Variants in UNC5D observed in about 807,000 individuals in gnomAD.
The protein encoded by UNC5D is netrin receptor UNC5D.
A neutral mutation model predicts 105.4 loss-of-function variants in UNC5D; 39 were observed. The observed-to-expected ratio is 0.37, with a 90% CI of 0.29 to 0.48. The LOEUF is 0.48. Among genes scored for constraint, UNC5D ranks in the 20% least tolerant of loss-of-function variants. UNC5D has a pLI of 0.98. For synonymous variants in UNC5D, 452 were observed against 450.4 expected, an observed-to-expected ratio of 1.00 and a Z score of -0.04; for missense variants, 991 against 1,202.4, an observed-to-expected ratio of 0.82 and a Z score of 2.60.
At chr8:35,677,428 C>T (rs533850741) in intron 4 of UNC5D, among the ~76,000 whole-genome samples, 11 of 152,218 alleles carry the variant, frequency 7.2e-5, no homozygotes, top group African/African-American at 9.6e-5. Context: ...ACCTCCCTGG[C>T]CCCCAGGAAC....
Position 35,545,685 on chromosome 8 carries a change from C to A in UNC5D, c.104-3607C>A, listed in dbSNP as rs568845733. 1.1e-4 allele frequency among the ~76,000 whole-genome samples: 17 copies of A among 152,178 alleles called. No individual in the cohort carries two copies. In the South Asian group the frequency reaches 3.1e-3, roughly 28 times the overall value. On this transcript the variant is annotated intron_variant, in intron 1 of 16. Coordinates refer to ENST00000404895, the MANE Select transcript of UNC5D (RefSeq NM_080872.4). ...AAAAGATTCTTATTTTCACCTACCT[C>A]ATTTTTTAGACGGATGCAAATAAAC...
intron 1 of UNC5D, among the ~76,000 whole-genome samples, chr8:35,377,568 G>A (rs899553912): frequency 1.3e-5 from 2 of 152,184 alleles, no homozygotes; most frequent in Non-Finnish European, 2.9e-5. Context: ...GGCTGGGAAT[G>A]TATCTGTAAA....
chr8:35,588,841 G>A (rs1374692027), intron 3 of UNC5D, among the ~76,000 whole-genome samples: 1 of 152,154 alleles, frequency 6.6e-6, no homozygotes, highest in African/African-American at 2.4e-5. Context: ...AGGAGTTCAA[G>A]ACCAGCATGG....
intron 1 of UNC5D, among the ~76,000 whole-genome samples, chr8:35,505,175 C>A (rs533108406): frequency 2.0e-5 from 3 of 152,100 alleles, no homozygotes; most frequent in East Asian, 3.9e-4. Flanking sequence ...CCACAAAAAT[C>A]AAAAATTAAA....
chr8:35,595,564 A>G lies in UNC5D; in HGVS notation c.477A>G (p.Lys159=). 2 of 1,614,052 alleles carry G rather than the reference A, an allele frequency of 1.2e-6. No homozygotes were observed. Among genetic ancestry groups the G allele is most frequent in the African/African-American group, 1.3e-5 (1 of 75,018 alleles). Residue 159 remains lysine, a synonymous_variant, in exon 4 of 17, where the codon AAA becomes AAG. Coordinates refer to ENST00000404895, the MANE Select transcript of UNC5D (RefSeq NM_080872.4). ...KASVRIAYLR[K]NFEQDPQGRE... ...CATGCTTCTTTGCAGATTTACGGAAAAACTTTGAACAAGACCCACAAGGAA... is the reference window on the plus strand; with the variant it reads ...CATGCTTCTTTGCAGATTTACGGAAGAACTTTGAACAAGACCCACAAGGAA...
chr8:35,587,965 A>AATATATATATATATATAT lies in UNC5D; in HGVS notation c.467-7577_467-7560dup, dbSNP rs57681405. Among the ~76,000 whole-genome samples, 514 of 104,970 alleles carry AATATATATATATATATAT rather than the reference A, an allele frequency of 4.9e-3. 12 individuals are homozygous for AATATATATATATATATAT. Among genetic ancestry groups the AATATATATATATATATAT allele is most frequent in the African/African-American group, 0.013 (377 of 30,126 alleles). 68.9% of individuals were successfully genotyped at this position (104,970 alleles called of 152,430 possible). A position where few individuals can be genotyped will look rare whatever the true frequency, so the allele number is the denominator to read the frequency against. ...TTAGGGTTTTTCCTATAACTATAAT[A>AATATATATATATATATAT]ATATATATATATATATATATATATA... On this transcript the variant is annotated intron_variant, in intron 3 of 16. Coordinates refer to ENST00000404895, the MANE Select transcript of UNC5D (RefSeq NM_080872.4).
intron 1 of UNC5D, among the ~76,000 whole-genome samples, chr8:35,402,202 C>A (rs1388467547): frequency 6.6e-6 from 1 of 152,056 alleles, no homozygotes; most frequent in Non-Finnish European, 1.5e-5. Context: ...TGTATTAATC[C>A]ATTTTTATAC....
intron 1 of UNC5D, among the ~76,000 whole-genome samples, chr8:35,387,706 G>GT (rs1803497066): frequency 6.6e-6 from 1 of 152,172 alleles, no homozygotes; most frequent in Non-Finnish European, 1.5e-5. Context: ...AAGTTCATGT[G>GT]TAGGATTAGG....
intron 4 of UNC5D, among the ~76,000 whole-genome samples, chr8:35,673,645 T>C: frequency 6.6e-6 from 1 of 152,180 alleles, no homozygotes; most frequent in Admixed American, 6.5e-5. Flanking sequence ...AATGACAATA[T>C]GTTCACTTGT....
At chr8:35,594,973 T>C (rs1356053122) in intron 3 of UNC5D, among the ~76,000 whole-genome samples, 1 of 152,140 alleles carries the variant, frequency 6.6e-6, no homozygotes, top group Admixed American at 6.5e-5. Flanking sequence ...CTGGAGGGCG[T>C]TGTGTTTTGT....
Position 35,481,379 on chromosome 8 carries a change from C to T in UNC5D, c.104-67913C>T, listed in dbSNP as rs373245639. On this transcript the variant is annotated intron_variant, in intron 1 of 16. Coordinates refer to ENST00000404895, the MANE Select transcript of UNC5D (RefSeq NM_080872.4). ...ATGCCACTGCACTCCAGCCTGGTGGCGGAGTAAGATCCTGTCTCAGAAAAG... is the reference window on the plus strand; with the variant it reads ...ATGCCACTGCACTCCAGCCTGGTGGTGGAGTAAGATCCTGTCTCAGAAAAG... Among the ~76,000 whole-genome samples the T allele has an allele frequency of 3.2e-4, 49 of 152,020 alleles. No homozygotes were observed. The East Asian group carries it at 5.4e-3, about 17-fold the overall frequency.
rs80350875 is a variant in UNC5D at position 35,644,217 on chromosome 8, C to T, written c.571-39330C>T. Reference sequence around the variant, plus strand: ...GAGTTAGGGTTTTTGATCTCCTGATCCTTTTTCAGTAAGTGGGAAGGGAGG... The same window carrying T: ...GAGTTAGGGTTTTTGATCTCCTGATTCTTTTTCAGTAAGTGGGAAGGGAGG... On this transcript the variant is annotated intron_variant, in intron 4 of 16. Coordinates refer to ENST00000404895, the MANE Select transcript of UNC5D (RefSeq NM_080872.4). Among the ~76,000 whole-genome samples, 908 of 152,216 alleles carry T rather than the reference C, an allele frequency of 6.0e-3. 12 individuals carry two copies. Among genetic ancestry groups the T allele is most frequent in the African/African-American group, 0.02 (827 of 41,554 alleles).
At chr8:35,616,463 T>C (rs1821032306) in intron 4 of UNC5D, among the ~76,000 whole-genome samples, 1 of 152,220 alleles carries the variant, frequency 6.6e-6, no homozygotes, top group Admixed American at 6.5e-5. Flanking sequence ...TGGGCATGTC[T>C]GTGATTCCCG....
intron 1 of UNC5D, among the ~76,000 whole-genome samples, chr8:35,502,548 C>T (rs1027699516): frequency 1.3e-5 from 2 of 151,976 alleles, no homozygotes; most frequent in Non-Finnish European, 2.9e-5. Context: ...GGATTCTCTT[C>T]GTTTTTTTGT....
intron 4 of UNC5D, among the ~76,000 whole-genome samples, chr8:35,673,969 C>G (rs1825021078): frequency 6.6e-6 from 1 of 152,142 alleles, no homozygotes; most frequent in Non-Finnish European, 1.5e-5. Flanking sequence ...AGGGGGCTAG[C>G]TTGACTTGGC....
chr8:35,420,813 C>T (rs918647176), intron 1 of UNC5D, among the ~76,000 whole-genome samples: 1 of 151,666 alleles, frequency 6.6e-6, no homozygotes, highest in African/African-American at 2.4e-5. Context: ...TTCTCTCATG[C>T]CTTAGTACAG....
chr8:35,352,668 A>C (rs1311506640), intron 1 of UNC5D, among the ~76,000 whole-genome samples: 1 of 152,142 alleles, frequency 6.6e-6, no homozygotes. Context: ...GCTGGAGTAC[A>C]GTAGCACAAT....
chr8:35,332,997 G>A (rs1810740187), intron 1 of UNC5D, among the ~76,000 whole-genome samples: 1 of 152,044 alleles, frequency 6.6e-6, no homozygotes, highest in Admixed American at 6.6e-5. Context: ...TCAGATCTCT[G>A]CCCTTATGAA....
rs117809715 is a variant in UNC5D at position 35,632,545 on chromosome 8, C to A, written c.570+36888C>A. On this transcript the variant is annotated intron_variant, in intron 4 of 16. Transcript: ENST00000404895. Reference sequence around the variant, plus strand: ...CCAAAGGAATAAAAGAACATTCAACCAGCTGGGGCCTCATCCCTGTGCTGT... The same window carrying A: ...CCAAAGGAATAAAAGAACATTCAACAAGCTGGGGCCTCATCCCTGTGCTGT... Among the ~76,000 whole-genome samples, 46 of 152,330 alleles carry A rather than the reference C, an allele frequency of 3.0e-4. No homozygotes were observed. The East Asian group carries it at 8.7e-3, about 29-fold the overall frequency.
Sources: gnomAD v4.1 joint callset for allele counts (sites outside exome capture counted in the v4.1 genomes callset) on GRCh38, gnomAD v4.1.1 for gene constraint, MANE v1.5 for transcripts, NCBI Gene and HGNC (gene_info 2026-07-23, HGNC 2026-07-21) for gene names.